The following SPMIP8 variants were observed in gnomAD, a reference collection of about 807,000 sequenced individuals.
SPMIP8 encodes testicular tissue protein Li 196.
chr16:57,986,433 C>G, the SPMIP8 span: 1 of 152,684 alleles, frequency 6.5e-6, no homozygotes, highest in Non-Finnish European at 1.5e-5. Flanking sequence ...CATAACTAAG[C>G]CATCTCTCAC....
At chr16:57,978,108 G>C in the SPMIP8 span, 1 of 1,514,752 alleles carries the variant, frequency 6.6e-7, no homozygotes. Context: ...GGAGACAGAT[G>C]CAAGGATGAA....
At chr16:57,985,509 G>A in the SPMIP8 span, 1 of 1,611,858 alleles carries the variant, frequency 6.2e-7, no homozygotes, top group Non-Finnish European at 8.5e-7. Context: ...CCCCAGCCTG[G>A]ACCGCTACGG....
At chr16:57,977,811 C>A in the SPMIP8 span, 3 of 1,610,010 alleles carry the variant, frequency 1.9e-6, no homozygotes, top group Admixed American at 1.7e-5. Context: ...CCTCTGCCCC[C>A]CAGCTATGGC....
the SPMIP8 span, among the ~76,000 whole-genome samples, chr16:57,981,800 T>C: frequency 2.2e-4 from 33 of 152,218 alleles, no homozygotes; most frequent in East Asian, 5.8e-3. Context: ...CCACCGCACC[T>C]GGCCTTGTGA....
chr16:57,987,472 T>G, the SPMIP8 span: 1 of 1,565,288 alleles, frequency 6.4e-7, no homozygotes. Context: ...CGGTGCCACC[T>G]CAGGTCCCCT....
At chr16:57,982,788 G>A in the SPMIP8 span, among the ~76,000 whole-genome samples, 7 of 152,308 alleles carry the variant, frequency 4.6e-5, no homozygotes, top group African/African-American at 1.7e-4. Flanking sequence ...CCAGCACTTT[G>A]GGAGGCTGAG....
chr16:57,985,083 G>C, the SPMIP8 span: 1 of 1,191,038 alleles, frequency 8.4e-7, no homozygotes. Context: ...CCTGTTCTCC[G>C]TACACGTGTG....
At chr16:57,984,477 G>A in the SPMIP8 span, 1 of 1,525,806 alleles carries the variant, frequency 6.6e-7, no homozygotes, top group South Asian at 1.1e-5. Flanking sequence ...TGGGACTCCC[G>A]CTCCCCACAT....
chr16:57,987,398 G>A, the SPMIP8 span: 47 of 1,596,642 alleles, frequency 2.9e-5, 1 homozygote, highest in South Asian at 6.8e-5. Flanking sequence ...CTCCACAGTC[G>A]TGTCAACTAC....
chr16:57,987,396 T>C, the SPMIP8 span: 1 of 1,596,900 alleles, frequency 6.3e-7, no homozygotes, highest in Middle Eastern at 1.7e-4. Context: ...CTCTCCACAG[T>C]CGTGTCAACT....
the SPMIP8 span, chr16:57,976,595 C>T: frequency 1.8e-3 from 2,914 of 1,614,166 alleles, 3 homozygotes; most frequent in Non-Finnish European, 2.3e-3. Flanking sequence ...TAAGCCTGTG[C>T]ACCTGGGCCT....
chr16:57,984,824 C>A, the SPMIP8 span: 1 of 1,583,954 alleles, frequency 6.3e-7, no homozygotes. Flanking sequence ...AGTCTACGGG[C>A]CGCTGAAGGA....
At chr16:57,984,390 G>A in the SPMIP8 span, 3 of 1,613,714 alleles carry the variant, frequency 1.9e-6, no homozygotes, top group Non-Finnish European at 2.5e-6. Context: ...CCTGCCCTTG[G>A]GTTTGCTAAG....
chr16:57,981,046 G>A, the SPMIP8 span, among the ~76,000 whole-genome samples: 4 of 152,078 alleles, frequency 2.6e-5, no homozygotes, highest in Admixed American at 1.3e-4. Flanking sequence ...AGGGGTGCGT[G>A]ACTTAACCCT....
the SPMIP8 span, chr16:57,978,165 C>A: frequency 9.3e-7 from 1 of 1,074,202 alleles, no homozygotes; most frequent in Non-Finnish European, 1.3e-6. Flanking sequence ...ACACTTTGGC[C>A]AGGTCTGAGC....
the SPMIP8 span, chr16:57,984,390 G>C: frequency 1.2e-6 from 2 of 1,613,714 alleles, no homozygotes; most frequent in African/African-American, 1.3e-5. Flanking sequence ...CCTGCCCTTG[G>C]GTTTGCTAAG....
At chr16:57,977,587 A>ATGTGTG in the SPMIP8 span, among the ~76,000 whole-genome samples, 1 of 132,956 alleles carries the variant, frequency 7.5e-6, no homozygotes, top group South Asian at 2.5e-4. Flanking sequence ...GTGTGTGTGT[A>ATGTGTG]TGTGTGTGTT....
chr16:57,983,061 C>T, the SPMIP8 span, among the ~76,000 whole-genome samples: 1 of 152,136 alleles, frequency 6.6e-6, no homozygotes, highest in Non-Finnish European at 1.5e-5. Context: ...CAAATGGTAG[C>T]ATATTGTATA....
the SPMIP8 span, among the ~76,000 whole-genome samples, chr16:57,982,142 C>T: frequency 1.6e-3 from 239 of 152,296 alleles, 1 homozygote; most frequent in African/African-American, 5.5e-3. Context: ...CTTGGACACC[C>T]TTTAGCAAGC....
Sources: gnomAD v4.1 joint callset for allele counts (sites outside exome capture counted in the v4.1 genomes callset) on GRCh38, gnomAD v4.1.1 for gene constraint, MANE v1.5 for transcripts, NCBI Gene and HGNC (gene_info 2026-07-23, HGNC 2026-07-21) for gene names.